The following CYP4X1 variants were observed in gnomAD, a reference collection of about 807,000 sequenced individuals.
The protein encoded by CYP4X1 is cytochrome P450 family 4 subfamily X member 1, also known as cytochrome P450 4X1.
In CYP4X1, 44 loss-of-function variants were observed where a neutral mutation model predicts 57.9. That is an observed-to-expected ratio of 0.76 (90% CI 0.60 to 0.98). CYP4X1 has a LOEUF of 0.98. Ranked by LOEUF, CYP4X1 falls within the 50% of genes least tolerant of loss-of-function variation. The probability of loss-of-function intolerance (pLI) is 0.00; values close to 1 mark genes in which losing one functional copy is unlikely to be tolerated. For synonymous variants in CYP4X1, 227 were observed against 228.6 expected, an observed-to-expected ratio of 0.99 and a Z score of 0.06; for missense variants, 532 against 623.9, an observed-to-expected ratio of 0.85 and a Z score of 1.57.
At chr1:47,009,924 T>A in the CYP4X1 span, among the ~76,000 whole-genome samples, 2 of 152,042 alleles carry the variant, frequency 1.3e-5, no homozygotes, top group Non-Finnish European at 2.9e-5. Context: ...AATTAATAAC[T>A]TACCAAACAA....
chr1:47,021,047 C>T (rs563354072), upstream of CYP4X1, among the ~76,000 whole-genome samples: 4 of 147,864 alleles, frequency 2.7e-5, no homozygotes, highest in African/African-American at 1.0e-4. Flanking sequence ...TCTAGAGGCA[C>T]CACTATCCAG....
the CYP4X1 span, among the ~76,000 whole-genome samples, chr1:46,970,432 A>G: frequency 1.3e-5 from 2 of 152,198 alleles, no homozygotes; most frequent in African/African-American, 4.8e-5. Flanking sequence ...AAAACTGAAG[A>G]TGCCACGTAT....
chr1:46,985,639 C>A, the CYP4X1 span, among the ~76,000 whole-genome samples: 1 of 152,146 alleles, frequency 6.6e-6, no homozygotes, highest in South Asian at 2.1e-4. Context: ...CTGGTGGGTG[C>A]CCCTCTGGGA....
At chr1:47,030,154 G>A (rs1296804478) in intron 2 of CYP4X1, 23 bp downstream of exon 2, 33 of 1,594,928 alleles carry the variant, frequency 2.1e-5, no homozygotes, top group Non-Finnish European at 2.7e-5. Context: ...GGAAAGCTCT[G>A]GGACCTATTC....
Position 47,050,166 on chromosome 1 carries a change from G to A in CYP4X1, c.1522G>A (p.Glu508Lys). ...GMYLHLKKLS[E>K]C ...GTATTTGCACCTGAAGAAACTCTCT[G>A]AATGTTAGATCTCAGGGTACAATGA... Residue 508 changes from glutamate to lysine, a missense_variant, in exon 12 of 12, where the codon GAA (glutamate) becomes AAA (lysine). Coordinates refer to ENST00000371901, the MANE Select transcript of CYP4X1 (RefSeq NM_178033.2). 1 of 1,613,802 alleles carries A rather than the reference G, an allele frequency of 6.2e-7. No individual in the cohort carries two copies.
chr1:47,039,418 C>G lies in CYP4X1; in HGVS notation c.959C>G (p.Thr320Ser). ...VSTFLLAGHD[T>S]LAASISWILY... is the part of the protein sequence containing the mutation. ...ACATTCCTGTTGGCAGGACATGACACCTTGGCAGCAAGCATCTCCTGGATC... is the reference window on the plus strand; with the variant it reads ...ACATTCCTGTTGGCAGGACATGACAGCTTGGCAGCAAGCATCTCCTGGATC... Residue 320 changes from threonine to serine, a missense_variant, in exon 8 of 12, where the codon ACC becomes AGC. By Grantham distance (58) the Thr-to-Ser change is moderately conservative. Coordinates refer to ENST00000371901, the MANE Select transcript of CYP4X1 (RefSeq NM_178033.2). The G allele has an allele frequency of 6.2e-7, 1 of 1,613,634 alleles. No individual in the cohort carries two copies. The highest frequency in any genetic ancestry group is 8.5e-7 in the Non-Finnish European group (1 of 1,179,784).
In CYP4X1 at chr1:47,023,829, C is replaced by G. The variant is rs759263945; in HGVS notation, c.12C>G (p.Ser4=). The change falls in exon 1 of 12, where the codon TCC becomes TCG. Residue 4 remains serine, a synonymous_variant. Coordinates refer to ENST00000371901, the MANE Select transcript of CYP4X1 (RefSeq NM_178033.2). Reference sequence around the variant, plus strand: ...CGCTGCGCAGAGCCATGGAATTCTCCTGGCTGGAGACGCGCTGGGCGCGGC... The same window carrying G: ...CGCTGCGCAGAGCCATGGAATTCTCGTGGCTGGAGACGCGCTGGGCGCGGC... MEF[S]WLETRWARPF... 1.2e-6 allele frequency: 2 copies of G among 1,613,064 alleles called. No individual in the cohort carries two copies. Among genetic ancestry groups the G allele is most frequent in the Non-Finnish European group, 1.7e-6 (2 of 1,179,892 alleles).
intron 7 of CYP4X1, 136 bp from the exon 8 acceptor site, chr1:47,039,206 A>T: frequency 1.3e-6 from 1 of 766,554 alleles, no homozygotes; most frequent in Admixed American, 3.2e-5. Flanking sequence ...TTTATACCAC[A>T]TATTTGTTGA....
At chr1:47,005,941 C>A in the CYP4X1 span, among the ~76,000 whole-genome samples, 9 of 152,116 alleles carry the variant, frequency 5.9e-5, no homozygotes, top group African/African-American at 2.2e-4. Context: ...GGCAAAAATA[C>A]CTATGTATTT....
chr1:47,021,617 T>C (rs918280235), upstream of CYP4X1, among the ~76,000 whole-genome samples: 1 of 152,218 alleles, frequency 6.6e-6, no homozygotes, highest in African/African-American at 2.4e-5. Flanking sequence ...ACTTCAAGCC[T>C]CTTCAACACC....
In CYP4X1 at chr1:47,037,272, ATT is replaced by A. The variant is rs34146521; in HGVS notation, c.775+1121_775+1122del. ...TTATTCAAAACTTAAAACCTTTTCA[ATT>A]TTTTTTTTTTTTTTTTTTTGAGATG... On this transcript the variant is annotated intron_variant, in intron 6 of 11. Transcript: ENST00000371901. Among the ~76,000 whole-genome samples, 414 of 115,832 alleles carry A rather than the reference ATT, an allele frequency of 3.6e-3. 2 individuals carry two copies. Among genetic ancestry groups the A allele is most frequent in the East Asian group, 0.024 (72 of 2,940 alleles). The allele number at this position is 115,832 out of a possible 152,430, so 76.0% of individuals were successfully genotyped here.
At chr1:47,040,775 A>C (rs2148512810) in intron 8 of CYP4X1, among the ~76,000 whole-genome samples, 1 of 152,266 alleles carries the variant, frequency 6.6e-6, no homozygotes, top group South Asian at 2.1e-4. Context: ...CATGTTCATT[A>C]ACTCATACTT....
At chr1:46,974,079 A>C in the CYP4X1 span, among the ~76,000 whole-genome samples, 1 of 152,138 alleles carries the variant, frequency 6.6e-6, no homozygotes, top group African/African-American at 2.4e-5. Flanking sequence ...TTCTCTCAAC[A>C]GTGCTTTAGC....
intron 9 of CYP4X1, among the ~76,000 whole-genome samples, chr1:47,047,965 A>C (rs1644320014): frequency 6.6e-6 from 1 of 152,114 alleles, no homozygotes; most frequent in South Asian, 2.1e-4. Flanking sequence ...TATTTAGGCC[A>C]GGCACAGTGG....
chr1:47,030,070 C>T lies in CYP4X1; in HGVS notation c.258C>T (p.Pro86=). The T allele has an allele frequency of 1.9e-6, 3 of 1,614,068 alleles. No homozygotes were observed. Among genetic ancestry groups the T allele is most frequent in the Non-Finnish European group, 1.7e-6 (2 of 1,179,996 alleles). Residue 86 remains proline (P), a synonymous_variant, in exon 2 of 12, where the codon CCC becomes CCT. Transcript: ENST00000371901. ...YPRAFPFWIG[P]FQAFFCIYDP... Reference sequence around the variant, plus strand: ...GTGCCTTCCCTTTCTGGATTGGGCCCTTTCAGGCATTTTTCTGTATCTATG... The same window carrying T: ...GTGCCTTCCCTTTCTGGATTGGGCCTTTTCAGGCATTTTTCTGTATCTATG...
At chr1:47,024,735 A>C (rs1332139936) in intron 1 of CYP4X1, among the ~76,000 whole-genome samples, 2 of 152,180 alleles carry the variant, frequency 1.3e-5, no homozygotes, top group Non-Finnish European at 2.9e-5. Flanking sequence ...GCCTAGAGAC[A>C]AGGGAATATC....
the CYP4X1 span, among the ~76,000 whole-genome samples, chr1:47,007,380 G>A: frequency 2.0e-5 from 3 of 152,136 alleles, no homozygotes; most frequent in Non-Finnish European, 4.4e-5. Context: ...ACTGTTAGAA[G>A]GAAAACCAAC....
chr1:47,010,731 A>G, the CYP4X1 span, among the ~76,000 whole-genome samples: 1 of 152,214 alleles, frequency 6.6e-6, no homozygotes. Context: ...TACAAAATCA[A>G]TGTGCAAAAA....
the CYP4X1 span, among the ~76,000 whole-genome samples, chr1:46,982,148 C>G: frequency 2.0e-5 from 3 of 151,988 alleles, no homozygotes; most frequent in Admixed American, 2.0e-4. Context: ...GAAAAAAATC[C>G]ATTTGTGTAA....
Sources: allele counts gnomAD v4.1 joint callset (sites outside exome capture counted in the v4.1 genomes callset), GRCh38; gene constraint gnomAD v4.1.1; transcripts MANE v1.5; gene names NCBI Gene and HGNC (gene_info 2026-07-23, HGNC 2026-07-21).